The following TMEM255B variants were observed in gnomAD, a reference collection of about 807,000 sequenced individuals.
TMEM255B encodes the protein transmembrane protein 255B.
In TMEM255B, 35 loss-of-function variants were observed where a neutral mutation model predicts 34.5. The ratio of observed to expected loss-of-function variants is 1.01; its 90% CI spans 0.77 to 1.34. The LOEUF (loss-of-function observed/expected upper bound fraction) is 1.34. Among genes scored for constraint, TMEM255B ranks in the 40% most tolerant of loss-of-function variants. The probability of loss-of-function intolerance (pLI) is 0.00; values close to 1 mark genes in which losing one functional copy is unlikely to be tolerated. For synonymous variants in TMEM255B, 206 were observed against 201.2 expected, an observed-to-expected ratio of 1.02 and a Z score of -0.20; for missense variants, 432 against 433.2, an observed-to-expected ratio of 1.00 and a Z score of 0.02.
At chr13:113,765,455 C>CG (rs1413102171) in intron 1 of TMEM255B, among the ~76,000 whole-genome samples, 1 of 152,144 alleles carries the variant, frequency 6.6e-6, no homozygotes, top group African/African-American at 2.4e-5. Context: ...CTCCAGTGTG[C>CG]GGTCTGCTTT....
Position 113,800,889 on chromosome 13 carries a change from C to G in TMEM255B, c.486C>G (p.Cys162Trp), listed in dbSNP as rs200308832. 6.2e-7 allele frequency: 1 copy of G among 1,610,486 alleles called. No homozygotes were observed. Among genetic ancestry groups the G allele is most frequent in the Non-Finnish European group, 8.5e-7 (1 of 1,178,884 alleles). The change falls in exon 6 of 9, where the codon TGC becomes TGG. Residue 162 changes from cysteine to tryptophan, a missense_variant. Physicochemically the swap from Cys to Trp is radical, Grantham distance 215. Transcript: ENST00000375353. ...QLKVRSNTCY[C>W]CDLYACGSAE... ...AGGTGAGAAGCAACACCTGTTACTG[C>G]TGTGACCTCTATGCCTGCGGGAGGT...
intron 3 of TMEM255B, among the ~76,000 whole-genome samples, chr13:113,793,937 G>A (rs767965808): frequency 6.6e-6 from 1 of 152,200 alleles, no homozygotes; most frequent in Non-Finnish European, 1.5e-5. Flanking sequence ...CCCACCCCCC[G>A]CCTTCTGCTG....
intron 8 of TMEM255B, 82 bp from the exon 9 acceptor site, chr13:113,811,654 C>A: frequency 6.5e-7 from 1 of 1,535,748 alleles, no homozygotes; most frequent in East Asian, 2.3e-5. Context: ...GTGTGAGTGG[C>A]CCTGGTATAT....
intron 4 of TMEM255B, among the ~76,000 whole-genome samples, 153 bp downstream of exon 4, chr13:113,795,390 A>C (rs2050904392): frequency 6.6e-6 from 1 of 152,166 alleles, no homozygotes; most frequent in Admixed American, 6.6e-5. Flanking sequence ...TCCTCTCAGT[A>C]AGTCTCATTT....
chr13:113,812,099 G>A lies in TMEM255B; in HGVS notation c.*196G>A. The stretch of plus-strand genomic sequence containing the variant: ...AGGGAGTGGGGCCCTCCAGACCCAG[G>A]CTGGTGACACCTTGGCTTGGGCTCT... On this transcript the variant is annotated 3_prime_UTR_variant, in exon 9 of 9. Coordinates refer to ENST00000375353, the MANE Select transcript of TMEM255B (RefSeq NM_182614.4). 5 of 670,434 alleles carry A rather than the reference G, an allele frequency of 7.5e-6. No individual in the cohort carries two copies. Among genetic ancestry groups the A allele is most frequent in the Non-Finnish European group, 1.2e-5 (5 of 408,320 alleles). 41.5% of individuals were successfully genotyped at this position (670,434 alleles called of 1,614,324 possible).
chr13:113,807,547 T>C (rs367683532), intron 8 of TMEM255B, among the ~76,000 whole-genome samples: 16 of 87,434 alleles, frequency 1.8e-4, no homozygotes, highest in South Asian at 4.8e-4. Flanking sequence ...ATGTGGGGGG[T>C]AGTCCTCCCC....
chr13:113,801,899 C>A, intron 7 of TMEM255B, 87 bp downstream of exon 7: 1 of 1,410,280 alleles, frequency 7.1e-7, no homozygotes, highest in Non-Finnish European at 9.5e-7. Flanking sequence ...GGGCCTCCAG[C>A]CCTCACTTTA....
chr13:113,811,004 G>A (rs2051286576), intron 8 of TMEM255B, among the ~76,000 whole-genome samples: 1 of 152,136 alleles, frequency 6.6e-6, no homozygotes, highest in South Asian at 2.1e-4. Flanking sequence ...AGTGGGATGT[G>A]GTCTGAGGAC....
At chr13:113,792,924 T>C (rs1218806057) in intron 3 of TMEM255B, among the ~76,000 whole-genome samples, 3 of 152,382 alleles carry the variant, frequency 2.0e-5, no homozygotes, top group East Asian at 3.9e-4. Context: ...TGCTCATGTC[T>C]GCGCCTGCAG....
intron 4 of TMEM255B, among the ~76,000 whole-genome samples, chr13:113,798,805 A>G (rs1217006265): frequency 6.6e-6 from 1 of 152,046 alleles, no homozygotes; most frequent in African/African-American, 2.4e-5. Context: ...TGCATTATGG[A>G]TGAATGAATA....
At chr13:113,794,453 G>A (rs1031899276) in intron 3 of TMEM255B, among the ~76,000 whole-genome samples, 9 of 152,060 alleles carry the variant, frequency 5.9e-5, no homozygotes, top group African/African-American at 1.9e-4. Flanking sequence ...GGAACCAAGC[G>A]AGATGCCAAC....
chr13:113,763,833 G>A (rs1324688385), intron 1 of TMEM255B, among the ~76,000 whole-genome samples: 1 of 152,242 alleles, frequency 6.6e-6, no homozygotes, highest in Admixed American at 6.5e-5. Flanking sequence ...AGTCCAACGA[G>A]GGTTGGCTTT....
At chr13:113,808,556 T>C (rs183420976) in intron 8 of TMEM255B, among the ~76,000 whole-genome samples, 123 of 150,312 alleles carry the variant, frequency 8.2e-4, no homozygotes, top group South Asian at 6.6e-3. Context: ...GGGGGTTTAC[T>C]CCATGGTTCC....
At position 113,800,452 on chromosome 13, in the gene TMEM255B, G is replaced by A. The variant is rs1362447784; in HGVS notation, c.424-375G>A. ...TGGGGGGAGAGCGCCCTGGGACGGGGCCTGTTCTGCCGCCCTCCGGGCTCT... is the reference window on the plus strand; with the variant it reads ...TGGGGGGAGAGCGCCCTGGGACGGGACCTGTTCTGCCGCCCTCCGGGCTCT... On this transcript the variant is annotated intron_variant, in intron 5 of 8. Transcript: ENST00000375353. Among the ~76,000 whole-genome samples, 3 of 152,140 alleles carry A rather than the reference G, an allele frequency of 2.0e-5. No homozygotes were observed. The East Asian group carries it at 5.8e-4, about 29-fold the overall frequency.
intron 6 of TMEM255B, among the ~76,000 whole-genome samples, 197 bp downstream of exon 6, chr13:113,801,109 C>T (rs893967056): frequency 2.0e-5 from 3 of 152,174 alleles, no homozygotes; most frequent in Admixed American, 6.5e-5. Flanking sequence ...GACATCACCC[C>T]CCCCACACCC....
rs550870355 is a variant in TMEM255B at position 113,811,611 on chromosome 13, G to GGGGGACCTGTGTGA, written c.814-124_814-123insGGGACCTGTGTGAG. The GGGGGACCTGTGTGA allele has an allele frequency of 2.7e-4, 287 of 1,056,444 alleles. 2 individuals carry two copies. In the African/African-American group the frequency reaches 4.8e-3, roughly 18 times the overall value. The allele number at this position is 1,056,444 out of a possible 1,614,324, so 65.4% of individuals were successfully genotyped here. ...CCATGTGAATGGCCCTGAGTCTGCG[G>GGGGGACCTGTGTGA]GTGGCCCTGGGTTGGCGGGGTGGGT... is the stretch of plus-strand genomic sequence containing the variant. On this transcript the variant is annotated intron_variant, in intron 8 of 8. Transcript: ENST00000375353.
In TMEM255B at chr13:113,812,977, ACGGG is replaced by A. The variant is rs2051353761; in HGVS notation, c.*1075_*1078del. On this transcript the variant is annotated 3_prime_UTR_variant, in exon 9 of 9. Coordinates refer to ENST00000375353, the MANE Select transcript of TMEM255B (RefSeq NM_182614.4). ...GTGGGTCACGGGCCCCGGGTGGGTC[ACGGG>A]TCCCGGGTGGGTCACGGGTCCCGAG... 1 of 132,202 alleles carries A rather than the reference ACGGG, an allele frequency of 7.6e-6. No homozygotes were observed. The highest frequency in any genetic ancestry group is 1.7e-5 in the Non-Finnish European group (1 of 57,920). 8.2% of individuals were successfully genotyped at this position (132,202 alleles called of 1,614,324 possible). A position where few individuals can be genotyped will look rare whatever the true frequency, so the allele number is the denominator to read the frequency against.
rs926791630 is a variant in TMEM255B at position 113,815,313 on chromosome 13, G to A, written c.*3410G>A. ...GGAGAGAGGAAGGGACATGGGTGAC[G>A]GTCCGTCCACGTGGGGTCACCGGCC... On this transcript the variant is annotated 3_prime_UTR_variant, in exon 9 of 9. Transcript: ENST00000375353. 5 of 146,618 alleles carry A rather than the reference G, an allele frequency of 3.4e-5. No individual in the cohort carries two copies. Among genetic ancestry groups the A allele is most frequent in the African/African-American group, 2.6e-5 (1 of 39,186 alleles). The allele number at this position is 146,618 out of a possible 1,614,324, so 9.1% of individuals were successfully genotyped here. A position where few individuals can be genotyped will look rare whatever the true frequency, so the allele number is the denominator to read the frequency against.
intron 3 of TMEM255B, among the ~76,000 whole-genome samples, chr13:113,790,678 T>C (rs9635147): frequency 0.36 from 46,215 of 128,796 alleles, 8,054 homozygotes; most frequent in East Asian, 0.66. Flanking sequence ...ATCCTAGCAC[T>C]GAACTGACTG....
Sources: allele counts gnomAD v4.1 joint callset (sites outside exome capture counted in the v4.1 genomes callset), GRCh38; gene constraint gnomAD v4.1.1; transcripts MANE v1.5; gene names NCBI Gene and HGNC (gene_info 2026-07-23, HGNC 2026-07-21).